The following SGTB variants were observed in gnomAD, a reference collection of about 807,000 sequenced individuals.
The protein encoded by SGTB is small glutamine rich tetratricopeptide repeat co-chaperone beta.
A neutral mutation model predicts 43.9 loss-of-function variants in SGTB; 19 were observed. That is an observed-to-expected ratio of 0.43 (90% CI 0.30 to 0.63). The LOEUF (loss-of-function observed/expected upper bound fraction) is 0.63. SGTB is among the 30% of genes least tolerant of loss of function. The probability of loss-of-function intolerance (pLI) is 0.12; values close to 1 mark genes in which losing one functional copy is unlikely to be tolerated. For missense variants in SGTB, 304 were observed against 358.9 expected, an observed-to-expected ratio of 0.85 and a Z score of 1.24; for synonymous variants, 116 against 117.3, an observed-to-expected ratio of 0.99 and a Z score of 0.07.
upstream of SGTB, chr5:65,722,560 CCCTGGGGGACACCTGGCGCGGCCA>C (rs1758340135): frequency 1.4e-6 from 1 of 708,126 alleles, no homozygotes; most frequent in African/African-American, 1.9e-5. Flanking sequence ...CAAGGTGGAC[CCCTGGGGGACACCTGGCGCGGCCA>C]CCTGGGGCCA....
At chr5:65,685,613 T>C (rs1694643916) in intron 5 of SGTB, 141 bp from the exon 6 acceptor site, 2 of 611,828 alleles carry the variant, frequency 3.3e-6, no homozygotes, top group Non-Finnish European at 5.6e-6. Context: ...CTGTCTAAGA[T>C]AATTATGTAA....
At chr5:65,714,476 G>A (rs968206782) in intron 2 of SGTB, among the ~76,000 whole-genome samples, 1 of 152,146 alleles carries the variant, frequency 6.6e-6, no homozygotes, top group Non-Finnish European at 1.5e-5. Flanking sequence ...GTATGGCTAG[G>A]GTATACAGTG....
chr5:65,682,855 A>G (rs1757423146), intron 6 of SGTB, among the ~76,000 whole-genome samples: 1 of 152,198 alleles, frequency 6.6e-6, no homozygotes. Context: ...GTCCTGTTCT[A>G]TAAAGTCACC....
Position 65,672,244 on chromosome 5 carries a change from A to G in SGTB, c.719T>C (p.Leu240Pro). The G allele has an allele frequency of 6.2e-7, 1 of 1,614,106 alleles. No individual in the cohort carries two copies. Among genetic ancestry groups the G allele is most frequent in the South Asian group, 1.1e-5 (1 of 91,086 alleles). Residue 240 changes from leucine to proline, a missense_variant and splice_region_variant, in exon 9 of 11, where the codon CTA (leucine) becomes CCA (proline). Coordinates refer to ENST00000381007, the MANE Select transcript of SGTB (RefSeq NM_019072.3). ...TAATAAGCTCTTTCTATATACTTAC[A>G]GCTGTTGAACTTGAGGGTTCTGCAT... The part of the protein sequence containing the change: ...SLMQNPQVQQ[L>P]MSGMMTNAIG...
At chr5:65,716,679 G>T (rs1758158763) in intron 2 of SGTB, among the ~76,000 whole-genome samples, 1 of 152,108 alleles carries the variant, frequency 6.6e-6, no homozygotes, top group Non-Finnish European at 1.5e-5. Context: ...ACAGATTTTG[G>T]GTGGGGGAAT....
chr5:65,699,486 T>C (rs1379143719), intron 5 of SGTB, among the ~76,000 whole-genome samples: 1 of 152,208 alleles, frequency 6.6e-6, no homozygotes, highest in Non-Finnish European at 1.5e-5. Context: ...TTCACCACTA[T>C]ACAATTCATC....
intron 2 of SGTB, among the ~76,000 whole-genome samples, chr5:65,718,681 G>A (rs1935880080): frequency 6.6e-6 from 1 of 152,000 alleles, no homozygotes; most frequent in Admixed American, 6.6e-5. Context: ...TCTAGAAGGT[G>A]GGCAGACACC....
chr5:65,712,452 GT>G (rs1195370324), intron 3 of SGTB, among the ~76,000 whole-genome samples: 2 of 152,162 alleles, frequency 1.3e-5, no homozygotes, highest in Non-Finnish European at 2.9e-5. Flanking sequence ...TTCAGTCTTA[GT>G]TTTGCACAGT....
At chr5:65,698,334 A>C (rs1757750335) in intron 5 of SGTB, among the ~76,000 whole-genome samples, 1 of 152,212 alleles carries the variant, frequency 6.6e-6, no homozygotes, top group Admixed American at 6.5e-5. Flanking sequence ...CTGCAAGTTG[A>C]CTTGAAATGC....
intron 8 of SGTB, among the ~76,000 whole-genome samples, chr5:65,679,181 G>A (rs953021073): frequency 6.6e-6 from 1 of 152,010 alleles, no homozygotes; most frequent in Non-Finnish European, 1.5e-5. Flanking sequence ...GTGGGCAAAG[G>A]AAATGAACAG....
chr5:65,682,198 A>C (rs1757410320), intron 6 of SGTB, among the ~76,000 whole-genome samples: 1 of 152,232 alleles, frequency 6.6e-6, no homozygotes, highest in African/African-American at 2.4e-5. Context: ...GAAAGGTCCC[A>C]AGAAAGATGC....
intron 4 of SGTB, among the ~76,000 whole-genome samples, chr5:65,705,040 T>C (rs1473993210): frequency 6.6e-6 from 1 of 152,264 alleles, no homozygotes; most frequent in African/African-American, 2.4e-5. Flanking sequence ...CATCTGGCAG[T>C]AATTTAGCTA....
At chr5:65,705,755 T>G (rs937399928) in intron 4 of SGTB, among the ~76,000 whole-genome samples, 2 of 151,842 alleles carry the variant, frequency 1.3e-5, no homozygotes, top group African/African-American at 4.8e-5. Context: ...AGGCCGGGTA[T>G]GATGGCTCAT....
chr5:65,667,983 T>A lies in SGTB; in HGVS notation c.*2263A>T, dbSNP rs1757075931. 1 of 151,032 alleles carries A rather than the reference T, an allele frequency of 6.6e-6. No individual in the cohort carries two copies. The allele number at this position is 151,032 out of a possible 1,614,324, so 9.4% of individuals were successfully genotyped here. A position where few individuals can be genotyped will look rare whatever the true frequency, so the allele number is the denominator to read the frequency against. ...TTTTTTTTTTTTTGAAATGGAGTCT[T>A]GCTCTGTCACCCAGGCTGGAGTGCA... On this transcript the variant is annotated 3_prime_UTR_variant, in exon 11 of 11. Coordinates refer to ENST00000381007, the MANE Select transcript of SGTB (RefSeq NM_019072.3).
intron 3 of SGTB, among the ~76,000 whole-genome samples, chr5:65,709,303 A>T (rs1456333999): frequency 2.0e-5 from 3 of 152,226 alleles, no homozygotes; most frequent in African/African-American, 7.2e-5. Context: ...AAATATGTTC[A>T]CACACACATT....
upstream of SGTB, chr5:65,722,501 C>A: frequency 1.7e-6 from 2 of 1,212,070 alleles, no homozygotes; most frequent in East Asian, 2.8e-5. Context: ...CCACCCCTTC[C>A]CGACCGCGCC....
intron 8 of SGTB, among the ~76,000 whole-genome samples, chr5:65,675,107 T>C (rs1581244858): frequency 6.6e-6 from 1 of 152,212 alleles, no homozygotes; most frequent in East Asian, 1.9e-4. Flanking sequence ...AGGAGCTTGA[T>C]ATGCCCTGGT....
At chr5:65,673,272 G>C (rs1757193059) in intron 8 of SGTB, among the ~76,000 whole-genome samples, 1 of 152,148 alleles carries the variant, frequency 6.6e-6, no homozygotes, top group Admixed American at 6.5e-5. Context: ...TCCCTTCCTA[G>C]CATGGGCCTG....
At chr5:65,679,298 T>C (rs536835643) in intron 8 of SGTB, among the ~76,000 whole-genome samples, 29 of 152,192 alleles carry the variant, frequency 1.9e-4, no homozygotes, top group African/African-American at 6.7e-4. Flanking sequence ...TGAGATACCA[T>C]CTCACACAAG....
Sources: gnomAD v4.1 joint callset for allele counts (sites outside exome capture counted in the v4.1 genomes callset) on GRCh38, gnomAD v4.1.1 for gene constraint, MANE v1.5 for transcripts, NCBI Gene and HGNC (gene_info 2026-07-23, HGNC 2026-07-21) for gene names.